Variants in GNAQ observed in about 807,000 individuals in gnomAD.
GNAQ encodes guanine nucleotide-binding protein G(q) subunit alpha.
GNAQ carries 8 observed loss-of-function variants against 43.9 expected under a neutral mutation model. The ratio of observed to expected loss-of-function variants is 0.18; its 90% confidence interval spans 0.11 to 0.33. The LOEUF (loss-of-function observed/expected upper bound fraction) is 0.33, where lower values mean the gene tolerates loss of function less well. Ranked by LOEUF, GNAQ falls within the 10% of genes least tolerant of loss-of-function variation. GNAQ has a pLI of 1.00. For synonymous variants in GNAQ, 155 were observed against 170.7 expected (o/e 0.91, Z 0.71); for missense variants, 158 against 450.8 (o/e 0.35, Z 5.88).
At position 77,739,638 on chromosome 9, in the gene GNAQ, A is replaced by T. The variant is rs528975446; in HGVS notation, c.736-10971T>A. Among the ~76,000 whole-genome samples the T allele has an allele frequency of 1.2e-3, 179 of 152,352 alleles. 1 individual carries two copies. Among genetic ancestry groups the T allele is most frequent in the African/African-American group, 4.1e-3 (170 of 41,586 alleles). Reference sequence around the variant, plus strand: ...CCCAATGGGTGTTTTCCTTAAAGTCAGCTCAGTTTATGGCACCACCTAACT... The same window carrying T: ...CCCAATGGGTGTTTTCCTTAAAGTCTGCTCAGTTTATGGCACCACCTAACT... On this transcript the variant is annotated intron_variant, in intron 5 of 6. Transcript: ENST00000286548.
chr9:77,858,817 C>T (rs1827798926), intron 2 of GNAQ, among the ~76,000 whole-genome samples: 1 of 152,034 alleles, frequency 6.6e-6, no homozygotes. Context: ...ATCACCTGTA[C>T]ACAACTAACA....
intron 1 of GNAQ, among the ~76,000 whole-genome samples, chr9:77,975,135 CTG>C (rs1346782916): frequency 6.6e-6 from 1 of 152,196 alleles, no homozygotes; most frequent in Non-Finnish European, 1.5e-5. Context: ...GCAAAATCCT[CTG>C]TACATAAGTA....
At chr9:77,985,023 T>A (rs1823416146) in intron 1 of GNAQ, among the ~76,000 whole-genome samples, 1 of 151,768 alleles carries the variant, frequency 6.6e-6, no homozygotes, top group Non-Finnish European at 1.5e-5. Context: ...TTCAAAAGAG[T>A]TTGTGGGCCA....
chr9:77,772,624 G>C (rs1162827138), intron 5 of GNAQ, among the ~76,000 whole-genome samples: 1 of 152,176 alleles, frequency 6.6e-6, no homozygotes, highest in African/African-American at 2.4e-5. Flanking sequence ...AATCAGAAGA[G>C]AGAAAGAGAT....
At chr9:77,824,164 C>T (rs1827157362) in intron 2 of GNAQ, among the ~76,000 whole-genome samples, 1 of 152,102 alleles carries the variant, frequency 6.6e-6, no homozygotes, top group African/African-American at 2.4e-5. Flanking sequence ...TTAACTATTT[C>T]ATAGAATTGT....
intron 5 of GNAQ, among the ~76,000 whole-genome samples, chr9:77,791,079 C>T (rs918215883): frequency 7.2e-5 from 11 of 152,084 alleles, no homozygotes; most frequent in African/African-American, 2.4e-4. Context: ...ACTATCTTGA[C>T]GTTTTAATAA....
At chr9:77,875,480 A>G (rs920867032) in intron 2 of GNAQ, among the ~76,000 whole-genome samples, 1 of 152,242 alleles carries the variant, frequency 6.6e-6, no homozygotes, top group African/African-American at 2.4e-5. Flanking sequence ...AGGCAGGTCC[A>G]TCTACTTATC....
chr9:77,938,966 G>C (rs1829274305), intron 1 of GNAQ, among the ~76,000 whole-genome samples: 1 of 152,228 alleles, frequency 6.6e-6, no homozygotes, highest in Non-Finnish European at 1.5e-5. Context: ...GGGACTGACA[G>C]GGCCCCCTGC....
At chr9:77,825,892 A>G (rs1227600492) in intron 2 of GNAQ, among the ~76,000 whole-genome samples, 1 of 152,214 alleles carries the variant, frequency 6.6e-6, no homozygotes, top group African/African-American at 2.4e-5. Flanking sequence ...GTTAGATATA[A>G]GAGGCCTAAA....
At chr9:77,860,712 C>G (rs548900261) in intron 2 of GNAQ, among the ~76,000 whole-genome samples, 1 of 152,078 alleles carries the variant, frequency 6.6e-6, no homozygotes, top group Admixed American at 6.5e-5. Context: ...GCGGGATGTT[C>G]GGGACCCCTT....
intron 2 of GNAQ, among the ~76,000 whole-genome samples, chr9:77,831,210 A>G (rs1325666917): frequency 6.6e-6 from 1 of 152,230 alleles, no homozygotes; most frequent in Non-Finnish European, 1.5e-5. Context: ...ATGTGTCACA[A>G]ATTAATCATT....
intron 5 of GNAQ, among the ~76,000 whole-genome samples, chr9:77,769,728 G>A (rs1010399535): frequency 6.9e-4 from 102 of 147,750 alleles, no homozygotes; most frequent in Admixed American, 1.8e-3. Flanking sequence ...GCAGTGGCGC[G>A]ATCTCCGCTC....
At chr9:77,733,284 A>C (rs1404328475) in intron 5 of GNAQ, among the ~76,000 whole-genome samples, 3 of 152,064 alleles carry the variant, frequency 2.0e-5, no homozygotes, top group African/African-American at 7.2e-5. Flanking sequence ...TAACATCTCA[A>C]ATCAATTCTC....
intron 4 of GNAQ, 148 bp downstream of exon 4, chr9:77,797,372 G>C: frequency 1.5e-6 from 1 of 680,364 alleles, no homozygotes; most frequent in Non-Finnish European, 2.6e-6. Context: ...TCAGGGATAT[G>C]TCATTTTATT....
chr9:77,722,654 T>A (rs1425085121), intron 6 of GNAQ, among the ~76,000 whole-genome samples: 1 of 6,558 alleles, frequency 1.5e-4, no homozygotes, highest in Admixed American at 2.9e-3. Flanking sequence ...ATCTAAGGAC[T>A]TTTTTTTTTT....
chr9:77,771,712 G>T (rs185739352), intron 5 of GNAQ, among the ~76,000 whole-genome samples: 349 of 152,316 alleles, frequency 2.3e-3, no homozygotes, highest in African/African-American at 7.8e-3. Flanking sequence ...TAAACCAAGT[G>T]CAGGGCCCTG....
At chr9:77,838,632 G>C (rs1263998710) in intron 2 of GNAQ, among the ~76,000 whole-genome samples, 1 of 151,674 alleles carries the variant, frequency 6.6e-6, no homozygotes, top group Admixed American at 6.6e-5. Context: ...TAGCTAGGCT[G>C]GTCTCAAACT....
intron 3 of GNAQ, among the ~76,000 whole-genome samples, chr9:77,797,967 G>A (rs1054134683): frequency 6.6e-6 from 1 of 152,228 alleles, no homozygotes; most frequent in African/African-American, 2.4e-5. Flanking sequence ...TGTTTAGTAG[G>A]TTTGGTTGTC....
intron 2 of GNAQ, among the ~76,000 whole-genome samples, chr9:77,914,433 C>T (rs530302627): frequency 5.9e-5 from 9 of 152,028 alleles, no homozygotes; most frequent in Admixed American, 3.3e-4. Context: ...CCGAGGCGGG[C>T]GGACCACCTG....
Sources: allele counts gnomAD v4.1 joint callset (sites outside exome capture counted in the v4.1 genomes callset), GRCh38; gene constraint gnomAD v4.1.1; transcripts MANE v1.5; gene names NCBI Gene and HGNC (gene_info 2026-07-23, HGNC 2026-07-21).